Variants in ATG4A observed in about 807,000 individuals in gnomAD.
The protein encoded by ATG4A is cysteine protease ATG4A.
ATG4A carries 22 observed loss-of-function variants against 38.4 expected under a neutral mutation model. The ratio of observed to expected loss-of-function variants is 0.57; its 90% CI spans 0.41 to 0.82. The LOEUF (loss-of-function observed/expected upper bound fraction) is 0.82, where lower values mean the gene tolerates loss of function less well. ATG4A is among the 40% of genes least tolerant of loss of function. ATG4A has a pLI of 0.00. For synonymous variants in ATG4A, 86 were observed against 100.7 expected (o/e 0.85, Z 0.88); for missense variants, 220 against 290.0 (o/e 0.76, Z 1.75).
intron 1 of ATG4A, among the ~76,000 whole-genome samples, chrX:108,110,333 G>A (rs1282058680): frequency 4.7e-5 from 5 of 106,871 alleles, no homozygotes; most frequent in Admixed American, 2.0e-4. Context: ...TTGTGCCACC[G>A]TACTCCAGCC....
chrX:108,132,279 G>C (rs1458871201), intron 4 of ATG4A, among the ~76,000 whole-genome samples: 2 of 112,548 alleles, frequency 1.8e-5, no homozygotes, highest in African/African-American at 6.5e-5. Flanking sequence ...GGGTTGGCTG[G>C]ATGCCAGTTC....
At chrX:108,103,822 A>G (rs1342921032) in intron 1 of ATG4A, among the ~76,000 whole-genome samples, 1 of 112,646 alleles carries the variant, frequency 8.9e-6, no homozygotes, top group Non-Finnish European at 1.9e-5. Flanking sequence ...TTGTGTATCC[A>G]TTAACATGTT....
chrX:108,118,678 T>C (rs779040754), intron 1 of ATG4A, among the ~76,000 whole-genome samples: 1 of 111,417 alleles, frequency 9.0e-6, no homozygotes, highest in African/African-American at 3.3e-5. Flanking sequence ...CACTCTCCAA[T>C]GCATGTAAAT....
chrX:108,134,505 C>T, intron 6 of ATG4A, 94 bp downstream of exon 6: 3 of 812,774 alleles, frequency 3.7e-6, no homozygotes, highest in Non-Finnish European at 5.3e-6. Flanking sequence ...GGTATTCTTG[C>T]AATCCCGCTA....
At chrX:108,105,329 G>A (rs1484928306) in intron 1 of ATG4A, among the ~76,000 whole-genome samples, 1 of 111,663 alleles carries the variant, frequency 9.0e-6, no homozygotes, top group East Asian at 2.8e-4. Flanking sequence ...CTGGGCATGT[G>A]TAGGTAATTT....
chrX:108,100,834 T>G (rs2031985019), intron 1 of ATG4A, among the ~76,000 whole-genome samples: 1 of 111,780 alleles, frequency 8.9e-6, no homozygotes, highest in Non-Finnish European at 1.9e-5. Context: ...TATTCATGAA[T>G]GATATTGGCT....
rs919527710 is a variant in ATG4A at position 108,105,612 on chromosome X, T to C, written c.10+13776T>C. The stretch of plus-strand genomic sequence containing the variant: ...TTCCCTCCCTCCTGAGGAAGAAGCC[T>C]TAAGTTGTGTATCTCCTCCCAACTG... On this transcript the variant is annotated intron_variant, in intron 1 of 12. Coordinates refer to ENST00000372232, the MANE Select transcript of ATG4A (RefSeq NM_052936.5). 4.5e-5 allele frequency among the ~76,000 whole-genome samples: 5 copies of C among 111,329 alleles called. No individual in the cohort carries two copies. In the Admixed American group the frequency reaches 4.8e-4, roughly 11 times the overall value.
chrX:108,108,089 A>G (rs2147970612), intron 1 of ATG4A, among the ~76,000 whole-genome samples: 1 of 109,419 alleles, frequency 9.1e-6, no homozygotes, highest in East Asian at 2.9e-4. Context: ...TTATTACCTA[A>G]AAGTTTTCTG....
chrX:108,125,989 T>C, intron 1 of ATG4A, 88 bp from the exon 2 acceptor site: 1 of 568,762 alleles, frequency 1.8e-6, no homozygotes, highest in Admixed American at 3.7e-5. Context: ...TGCTGACCTT[T>C]CACCTTCAGG....
intron 9 of ATG4A, among the ~76,000 whole-genome samples, chrX:108,141,058 G>GTATATATATATATATATATATA (rs2033256590): frequency 3.3e-5 from 1 of 30,569 alleles, no homozygotes; most frequent in African/African-American, 1.2e-4. Context: ...ACATATATAC[G>GTATATATATATATATATATATA]TGTATATATA....
rs752981146 is a variant in ATG4A, at chrX:108,146,771, G to A, written c.815-3381G>A. ...GATCCCTTCCTCTACATAAAACCAA[G>A]GGAGATCAGGCATTTCCATCTCGTT... On this transcript the variant is annotated intron_variant, in intron 9 of 12. Coordinates refer to ENST00000372232, the MANE Select transcript of ATG4A (RefSeq NM_052936.5). Among the ~76,000 whole-genome samples the A allele has an allele frequency of 1.6e-3, 179 of 111,491 alleles. 1 individual carries two copies. Among genetic ancestry groups the A allele is most frequent in the Non-Finnish European group, 2.6e-3 (136 of 53,073 alleles).
chrX:108,092,952 T>C (rs1269399089), intron 1 of ATG4A, among the ~76,000 whole-genome samples: 1 of 112,065 alleles, frequency 8.9e-6, no homozygotes, highest in South Asian at 3.6e-4. Context: ...AAACATATAC[T>C]TTTTTATTTT....
chrX:108,117,599 C>G (rs771310048), intron 1 of ATG4A, among the ~76,000 whole-genome samples: 13 of 111,397 alleles, frequency 1.2e-4, no homozygotes, highest in African/African-American at 4.2e-4. Context: ...TGGAAATTTA[C>G]GAAGTGGGCC....
rs139879107 is a variant in ATG4A at position 108,127,480 on chromosome X, C to T, written c.121+1293C>T. ...TCAATGAAGTAGGTACTATAATTCT[C>T]CCCATTTATGGATGAGGAAACTGAA... On this transcript the variant is annotated intron_variant, in intron 2 of 12. Coordinates refer to ENST00000372232, the MANE Select transcript of ATG4A (RefSeq NM_052936.5). Among the ~76,000 whole-genome samples, 629 of 111,839 alleles carry T rather than the reference C, an allele frequency of 5.6e-3. 6 individuals are homozygous for T. The highest frequency in any genetic ancestry group is 0.019 in the African/African-American group (592 of 30,785).
intron 6 of ATG4A, among the ~76,000 whole-genome samples, chrX:108,136,678 G>A (rs761164731): frequency 1.8e-5 from 2 of 111,971 alleles, no homozygotes; most frequent in Non-Finnish European, 3.8e-5. Context: ...TTTACGGACA[G>A]CTTCCTTTTT....
intron 1 of ATG4A, among the ~76,000 whole-genome samples, chrX:108,117,086 G>A (rs976910235): frequency 1.8e-5 from 2 of 111,661 alleles, no homozygotes; most frequent in Non-Finnish European, 3.8e-5. Flanking sequence ...GCCTAGCACA[G>A]TACTGGTTAC....
intron 11 of ATG4A, chrX:108,152,090 T>G (rs371798110): frequency 3.2e-6 from 1 of 317,161 alleles, no homozygotes. Context: ...GAGTGATATT[T>G]TTAGTGATGA....
At chrX:108,121,774 A>G (rs769245572) in intron 1 of ATG4A, among the ~76,000 whole-genome samples, 8 of 111,965 alleles carry the variant, frequency 7.1e-5, no homozygotes, top group Admixed American at 1.9e-4. Context: ...TCTCCACTAA[A>G]AAGCTTTTGG....
At chrX:108,116,895 G>A (rs2032524221) in intron 1 of ATG4A, among the ~76,000 whole-genome samples, 1 of 112,196 alleles carries the variant, frequency 8.9e-6, no homozygotes, top group African/African-American at 3.2e-5. Flanking sequence ...CTAAGGTCGA[G>A]TGCTGCCATC....
Sources: gnomAD v4.1 joint callset for allele counts (sites outside exome capture counted in the v4.1 genomes callset) on GRCh38, gnomAD v4.1.1 for gene constraint, MANE v1.5 for transcripts, NCBI Gene and HGNC (gene_info 2026-07-23, HGNC 2026-07-21) for gene names.